Variants in CSMD2 observed in about 807,000 individuals in gnomAD.
The protein encoded by CSMD2 is CUB and sushi domain-containing protein 2.
In CSMD2, 130 loss-of-function variants were observed where a neutral mutation model predicts 398.5. That is an observed-to-expected ratio of 0.33 (90% CI 0.28 to 0.38). CSMD2 has a LOEUF of 0.38. Among genes scored for constraint, CSMD2 ranks in the 10% least tolerant of loss-of-function variants. The pLI is 1.00. For missense variants in CSMD2, 3,829 were observed against 4,764.9 expected (o/e 0.80, Z 5.78); for synonymous variants, 1,828 against 1,908.5 (o/e 0.96, Z 1.10).
Position 34,089,058 on chromosome 1 carries a change from A to G in CSMD2, c.323T>C (p.Phe108Ser). Reference protein sequence around the residue: ...AEEQHRIQLVFQSFALEEDFD... With the variant: ...AEEQHRIQLVSQSFALEEDFD... ...GTCCTCTTCCAGGGCAAAGGACTGGAACACAAGCTGGATTCTGTGCTGCTC... is the reference window on the plus strand; with the variant it reads ...GTCCTCTTCCAGGGCAAAGGACTGGGACACAAGCTGGATTCTGTGCTGCTC... Residue 108 changes from phenylalanine (F) to serine (S), a missense_variant, in exon 2 of 71, where the codon TTC becomes TCC. By Grantham distance (155) the Phe-to-Ser change is radical. Coordinates refer to ENST00000373381, the MANE Select transcript of CSMD2 (RefSeq NM_001281956.2). The G allele has an allele frequency of 1.9e-6, 3 of 1,614,158 alleles. No homozygotes were observed. Among genetic ancestry groups the G allele is most frequent in the Non-Finnish European group, 2.5e-6 (3 of 1,180,020 alleles).
chr1:33,890,488 C>T (rs1348070632), intron 5 of CSMD2, among the ~76,000 whole-genome samples: 4 of 152,124 alleles, frequency 2.6e-5, no homozygotes, highest in South Asian at 4.1e-4. Flanking sequence ...CCTTGGCCTC[C>T]CAAAGTGCTG....
rs183707251 is a variant in CSMD2 at position 33,646,018 on chromosome 1, T to A, written c.4774+630A>T. Among the ~76,000 whole-genome samples the A allele has an allele frequency of 2.0e-3, 306 of 152,372 alleles. 1 individual carries two copies. The highest frequency in any genetic ancestry group is 3.0e-3 in the Non-Finnish European group (202 of 68,038). On this transcript the variant is annotated intron_variant, in intron 29 of 70. Transcript: ENST00000373381. The stretch of plus-strand genomic sequence containing the variant: ...TGATAGGTAAACCTACAATATTTAC[T>A]ATTTTTAGGGGAAAAATTGTTGACT...
chr1:33,724,547 G>C lies in CSMD2; in HGVS notation c.2853C>G (p.Phe951Leu). 1 of 1,614,194 alleles carries C rather than the reference G, an allele frequency of 6.2e-7. No individual in the cohort carries two copies. The highest frequency in any genetic ancestry group is 8.5e-7 in the Non-Finnish European group (1 of 1,180,026). ...AACTGGGCAGGGCCCGGCTCCACTG[G>C]AAGTTGGGCTCACACTCCAGAGGCT... Reference protein sequence around the residue: ...DGEPLECEPNFQWSRALPSCE... With the variant: ...DGEPLECEPNLQWSRALPSCE... The change falls in exon 18 of 71, where the codon TTC (phenylalanine) becomes TTG (leucine). Residue 951 changes from phenylalanine to leucine, a missense_variant. Phe to Leu is a conservative substitution (Grantham distance 22). Coordinates refer to ENST00000373381, the MANE Select transcript of CSMD2 (RefSeq NM_001281956.2).
intron 3 of CSMD2, among the ~76,000 whole-genome samples, chr1:33,966,407 T>C (rs1280168394): frequency 6.6e-6 from 1 of 152,220 alleles, no homozygotes; most frequent in African/African-American, 2.4e-5. Context: ...GGGAATCACA[T>C]GTGCCAGGAG....
Position 33,638,666 on chromosome 1 carries a change from C to T in CSMD2, c.4775-2112G>A, listed in dbSNP as rs549487258. 2.0e-5 allele frequency among the ~76,000 whole-genome samples: 3 copies of T among 152,350 alleles called. No homozygotes were observed. In the East Asian group the frequency reaches 5.8e-4, roughly 29 times the overall value. ...GCCCCAATAGTCCCCTCTGTGACCT[C>T]AGCTCCTGTCGTCTCTATGCTAGCT... is the stretch of plus-strand genomic sequence containing the variant. On this transcript the variant is annotated intron_variant, in intron 29 of 70. Transcript: ENST00000373381.
At chr1:33,759,326 T>C (rs1557851048) in intron 13 of CSMD2, among the ~76,000 whole-genome samples, 2 of 128,300 alleles carry the variant, frequency 1.6e-5, no homozygotes, top group Non-Finnish European at 3.3e-5. Flanking sequence ...TTTTTTTTCT[T>C]TTTTTTTTTT....
intron 5 of CSMD2, among the ~76,000 whole-genome samples, chr1:33,882,704 A>C (rs531515628): frequency 6.6e-6 from 1 of 152,320 alleles, no homozygotes; most frequent in East Asian, 1.9e-4. Context: ...ATGCTTTCTC[A>C]GTTGTTTCCT....
chr1:33,946,845 G>C (rs187580335), intron 3 of CSMD2, among the ~76,000 whole-genome samples: 16 of 151,730 alleles, frequency 1.1e-4, no homozygotes, highest in Admixed American at 9.2e-4. Flanking sequence ...GTGTTAGCTA[G>C]GCTGGTCTCC....
At position 33,714,605 on chromosome 1, in the gene CSMD2, G is replaced by T. The variant is rs1305911125; in HGVS notation, c.3388C>A (p.Pro1130Thr). 1 of 1,613,836 alleles carries T rather than the reference G, an allele frequency of 6.2e-7. No homozygotes were observed. Among genetic ancestry groups the T allele is most frequent in the African/African-American group, 1.3e-5 (1 of 75,066 alleles). ...CACCTACCAACACACCTTGGCAGAG[G>T]CGAGCTCCACAGGCGCCGTCTGCCC... ...LGGRRRLWSS[P>T]LPRCVAECGN... Residue 1130 changes from proline (P) to threonine (T), a missense_variant, in exon 21 of 71, where the codon CCT becomes ACT. By Grantham distance (38) the Pro-to-Thr change is conservative. This residue lies in a region of CSMD2 where 2,001 missense variants were observed against 2,567.1 expected (regional missense o/e 0.78). Transcript: ENST00000373381.
intron 12 of CSMD2, among the ~76,000 whole-genome samples, chr1:33,780,778 C>T (rs1652649529): frequency 6.6e-6 from 1 of 152,200 alleles, no homozygotes; most frequent in Non-Finnish European, 1.5e-5. Context: ...CTTTGGCTCC[C>T]AGTGCCTGAA....
chr1:34,150,069 T>TTTC (rs1239739745), intron 1 of CSMD2, among the ~76,000 whole-genome samples: 2 of 149,450 alleles, frequency 1.3e-5, no homozygotes, highest in Admixed American at 6.7e-5. Context: ...AATCTACATT[T>TTTC]TTCTTCTTTC....
intron 5 of CSMD2, among the ~76,000 whole-genome samples, chr1:33,892,139 G>T (rs920685514): frequency 6.6e-6 from 1 of 151,124 alleles, no homozygotes; most frequent in Non-Finnish European, 1.5e-5. Context: ...ATGTATATTT[G>T]TGACAACTAT....
intron 5 of CSMD2, among the ~76,000 whole-genome samples, chr1:33,857,204 GT>G (rs1454037097): frequency 6.6e-6 from 1 of 152,012 alleles, no homozygotes; most frequent in Non-Finnish European, 1.5e-5. Flanking sequence ...TCATTGAGTG[GT>G]TAAAAGGTTT....
chr1:33,567,499 A>ATATATAT (rs1284357279), intron 53 of CSMD2, 94 bp downstream of exon 53: 9 of 1,014,168 alleles, frequency 8.9e-6, no homozygotes, highest in African/African-American at 3.2e-5. Flanking sequence ...ATATATATTT[A>ATATATAT]AAACAAACCT....
intron 7 of CSMD2, among the ~76,000 whole-genome samples, chr1:33,820,933 T>TAGA (rs1658071004): frequency 6.6e-6 from 1 of 151,988 alleles, no homozygotes; most frequent in South Asian, 2.1e-4. Flanking sequence ...GTGGAGACTC[T>TAGA]AGATGAAATG....
chr1:33,697,605 GA>G (rs1272667911), intron 24 of CSMD2, among the ~76,000 whole-genome samples: 1 of 152,184 alleles, frequency 6.6e-6, no homozygotes, highest in Non-Finnish European at 1.5e-5. Flanking sequence ...GCTCAGTCTA[GA>G]ATGTCAACCT....
At chr1:33,526,941 T>A (rs1267668757) in intron 65 of CSMD2, among the ~76,000 whole-genome samples, 1 of 152,182 alleles carries the variant, frequency 6.6e-6, no homozygotes, top group Non-Finnish European at 1.5e-5. Context: ...GCTGTAGTAA[T>A]CAACAGTTCC....
intron 2 of CSMD2, among the ~76,000 whole-genome samples, chr1:34,057,688 C>T (rs150426488): frequency 4.6e-5 from 7 of 152,284 alleles, no homozygotes; most frequent in Non-Finnish European, 8.8e-5. Flanking sequence ...GTCCCCAGTG[C>T]CTGATAATTA....
chr1:33,730,843 T>C (rs1646694443), intron 15 of CSMD2, among the ~76,000 whole-genome samples: 1 of 152,202 alleles, frequency 6.6e-6, no homozygotes, highest in Non-Finnish European at 1.5e-5. Context: ...AATAAACCCA[T>C]GACGAATTTT....
Sources: gnomAD v4.1 joint callset for allele counts (sites outside exome capture counted in the v4.1 genomes callset) on GRCh38, gnomAD v4.1.1 for gene constraint, gnomAD v4.1.1 regional missense constraint, MANE v1.5 for transcripts, NCBI Gene and HGNC (gene_info 2026-07-23, HGNC 2026-07-21) for gene names.